HJURP: variants seen among roughly 807,000 people sequenced by gnomAD.
HJURP encodes the protein Holliday junction recognition protein, also known as 14-3-3-associated AKT substrate.
HJURP carries 49 observed loss-of-function variants against 72.0 expected under a neutral mutation model. The observed-to-expected ratio is 0.68, with a 90% CI of 0.54 to 0.86. HJURP has a LOEUF of 0.86. HJURP is among the 40% of genes least tolerant of loss of function. The probability of loss-of-function intolerance (pLI) is 0.00; values close to 1 mark genes in which losing one functional copy is unlikely to be tolerated. For missense variants in HJURP, 908 were observed against 936.3 expected (o/e 0.97, Z 0.39); for synonymous variants, 357 against 347.1 (o/e 1.03, Z -0.32).
At chr2:233,848,083 CT>C (rs1365322167) in intron 4 of HJURP, among the ~76,000 whole-genome samples, 3 of 152,140 alleles carry the variant, frequency 2.0e-5, no homozygotes, top group Admixed American at 6.6e-5. Context: ...CTTTCCAATT[CT>C]ACTCTGAAAG....
chr2:233,850,585 G>A (rs1033805289), intron 3 of HJURP, among the ~76,000 whole-genome samples: 1 of 152,212 alleles, frequency 6.6e-6, no homozygotes, highest in African/African-American at 2.4e-5. Context: ...TGAGAAGGTG[G>A]CGAGGCCTAT....
chr2:233,840,747 A>C lies in HJURP; in HGVS notation c.2033T>G (p.Phe678Cys). ...ITRDGTRDHQ[F>C]PAKRPRLSEP... The stretch of plus-strand genomic sequence containing the variant: ...TGATAGCCTGGGTCTTTTTGCAGGG[A>C]ACTGATGGTCCCTCGTGCCATCCCT... The change falls in exon 8 of 9, where the codon TTC (phenylalanine) becomes TGC (cysteine). Residue 678 changes from phenylalanine to cysteine, a missense_variant. Phe to Cys is a radical substitution (Grantham distance 205, BLOSUM62 -2). Coordinates refer to ENST00000411486, the MANE Select transcript of HJURP (RefSeq NM_018410.5). The C allele has an allele frequency of 6.2e-7, 1 of 1,614,102 alleles. No homozygotes were observed.
At position 233,837,532 on chromosome 2, in the gene HJURP, A is replaced by G; in HGVS notation, c.*45T>C. On this transcript the variant is annotated 3_prime_UTR_variant, in exon 9 of 9. Coordinates refer to ENST00000411486, the MANE Select transcript of HJURP (RefSeq NM_018410.5). ...AATCAAAAACAAAACAAAAATACAA[A>G]CAGAGAGCAAGTGGGAAGATAAATA... 1 of 1,324,864 alleles carries G rather than the reference A, an allele frequency of 7.5e-7. No homozygotes were observed. Among genetic ancestry groups the G allele is most frequent in the African/African-American group, 1.5e-5 (1 of 68,892 alleles). 82.1% of individuals were successfully genotyped at this position (1,324,864 alleles called of 1,614,324 possible). A position where few individuals can be genotyped will look rare whatever the true frequency, so the allele number is the denominator to read the frequency against.
intron 7 of HJURP, 147 bp downstream of exon 7, chr2:233,844,058 A>C: frequency 1.6e-6 from 1 of 639,740 alleles, no homozygotes; most frequent in Non-Finnish European, 2.8e-6. Context: ...TTCCAGTGAA[A>C]TCCAAGTATA....
At chr2:233,844,633 T>C (rs1705311369) in intron 6 of HJURP, among the ~76,000 whole-genome samples, 1 of 152,144 alleles carries the variant, frequency 6.6e-6, no homozygotes, top group Admixed American at 6.5e-5. Flanking sequence ...GAAGACCCAG[T>C]AGATCCGTTC....
chr2:233,853,804 C>G, intron 2 of HJURP, 40 bp downstream of exon 2: 2 of 1,543,216 alleles, frequency 1.3e-6, no homozygotes, highest in Non-Finnish European at 1.8e-6. Context: ...TCCATTCACA[C>G]TCTTCACCCG....
In HJURP at chr2:233,841,408, G is replaced by C; in HGVS notation, c.1372C>G (p.Leu458Val). ...SPRNQPRRMC[L>V]PDSWAMNMYR... ...ATGTTCATGGCCCAGGAGTCCGGGA[G>C]GCACATCCGGCGAGGCTGGTTCCTG... The change falls in exon 8 of 9, where the codon CTC becomes GTC. Residue 458 changes from leucine to valine, a missense_variant. Transcript: ENST00000411486. The C allele has an allele frequency of 6.2e-7, 1 of 1,614,170 alleles. No individual in the cohort carries two copies. The highest frequency in any genetic ancestry group is 8.5e-7 in the Non-Finnish European group (1 of 1,180,018).
At chr2:233,854,168 C>A (rs1705560338) in intron 1 of HJURP, among the ~76,000 whole-genome samples, 1 of 152,152 alleles carries the variant, frequency 6.6e-6, no homozygotes, top group South Asian at 2.1e-4. Context: ...GTCTTTCCTC[C>A]CCGTCCCCGC....
At position 233,837,545 on chromosome 2, in the gene HJURP, G is replaced by A. The variant is rs1705106456; in HGVS notation, c.*32C>T. ...ACAAAAATACAAACAGAGAGCAAGT[G>A]GGAAGATAAATAACACTCCGAAATA... is the stretch of plus-strand genomic sequence containing the variant. On this transcript the variant is annotated 3_prime_UTR_variant, in exon 9 of 9. Transcript: ENST00000411486. 2 of 1,417,356 alleles carry A rather than the reference G, an allele frequency of 1.4e-6. No homozygotes were observed. Among genetic ancestry groups the A allele is most frequent in the South Asian group, 2.4e-5 (2 of 85,040 alleles). 87.8% of individuals were successfully genotyped at this position (1,417,356 alleles called of 1,614,324 possible).
At chr2:233,849,465 T>C (rs1397363868) in intron 4 of HJURP, among the ~76,000 whole-genome samples, 2 of 152,016 alleles carry the variant, frequency 1.3e-5, no homozygotes, top group East Asian at 3.9e-4. Context: ...CACCACCCTG[T>C]AGGGGCAAAT....
intron 7 of HJURP, among the ~76,000 whole-genome samples, chr2:233,843,457 A>G (rs1377345787): frequency 6.6e-6 from 1 of 152,196 alleles, no homozygotes; most frequent in Non-Finnish European, 1.5e-5. Flanking sequence ...AGGACACGTC[A>G]TCCCTGTAGT....
At chr2:233,853,545 A>G (rs952784702) in intron 2 of HJURP, among the ~76,000 whole-genome samples, 7 of 152,204 alleles carry the variant, frequency 4.6e-5, no homozygotes, top group African/African-American at 1.7e-4. Flanking sequence ...CCCATTTCAC[A>G]GATGAAGACA....
At position 233,849,820 on chromosome 2, in the gene HJURP, C is replaced by G; in HGVS notation, c.280G>C (p.Val94Leu). ...TCAGGACCCCAGGCTGCAGCTTGCA[C>G]GGAGCCATCTGTCCTGTCCGCGGGC... ...MKPADRTDGSVQAAAWGPELP... is the reference protein window; with the variant it reads ...MKPADRTDGSLQAAAWGPELP... Residue 94 changes from valine to leucine, a missense_variant, in exon 4 of 9, where the codon GTG becomes CTG. Physicochemically the swap from Val to Leu is conservative, Grantham distance 32. Around this residue, in one of 3 missense-constraint regions of HJURP, gnomAD observed 299 missense variants for 286.7 expected, o/e 1.04. Transcript: ENST00000411486. 6.4e-7 allele frequency: 1 copy of G among 1,554,312 alleles called. No homozygotes were observed. Among genetic ancestry groups the G allele is most frequent in the Non-Finnish European group, 8.7e-7 (1 of 1,148,294 alleles).
Position 233,841,352 on chromosome 2 carries a change from G to A in HJURP, c.1428C>T (p.Gly476=), listed in dbSNP as rs747116645. 2 of 1,613,962 alleles carry A rather than the reference G, an allele frequency of 1.2e-6. No individual in the cohort carries two copies. The highest frequency in any genetic ancestry group is 2.7e-5 in the African/African-American group (2 of 74,878). ...GCCTGCGGGTTTCTAAGCCCTGAAG[G>A]CCACCAGGACTCGCAGGACCCCCTC... The part of the protein sequence containing the change: ...MYRGGPASPG[G]LQGLETRRLS... Residue 476 remains glycine (G), a synonymous_variant, in exon 8 of 9, where the codon GGC becomes GGT. Transcript: ENST00000411486.
chr2:233,848,559 T>C lies in HJURP; in HGVS notation c.338-1098A>G, dbSNP rs561335995. ...GCACAGGACAGGGATGCCTTGGCCA[T>C]GAGGAATGAGGCAGAGGCTGAGATG... On this transcript the variant is annotated intron_variant, in intron 4 of 8. Coordinates refer to ENST00000411486, the MANE Select transcript of HJURP (RefSeq NM_018410.5). Among the ~76,000 whole-genome samples the C allele has an allele frequency of 3.3e-5, 5 of 152,108 alleles. No individual in the cohort carries two copies. In the East Asian group the frequency reaches 5.8e-4, roughly 18 times the overall value.
At chr2:233,842,275 G>A (rs1705253098) in intron 7 of HJURP, 70 bp from the exon 8 acceptor site, 1 of 1,341,644 alleles carries the variant, frequency 7.5e-7, no homozygotes, top group Non-Finnish European at 1.0e-6. Flanking sequence ...ACAGATGACA[G>A]AACTTAAGAT....
intron 4 of HJURP, among the ~76,000 whole-genome samples, chr2:233,848,924 TGGGGCCGAGGAGCAG>T (rs1164475938): frequency 6.6e-6 from 1 of 152,040 alleles, no homozygotes; most frequent in Non-Finnish European, 1.5e-5. Context: ...TGGAGGAGCA[TGGGGCCGAGGAGCAG>T]GGGGCCACAG....
chr2:233,848,898 A>G (rs1270341390), intron 4 of HJURP, among the ~76,000 whole-genome samples: 2 of 152,152 alleles, frequency 1.3e-5, no homozygotes, highest in African/African-American at 2.4e-5. Flanking sequence ...AAGGACGAAG[A>G]CAGAAGGAGG....
intron 8 of HJURP, among the ~76,000 whole-genome samples, chr2:233,839,216 C>A (rs949636460): frequency 3.3e-5 from 5 of 152,200 alleles, no homozygotes; most frequent in Non-Finnish European, 7.3e-5. Flanking sequence ...AGCCAAGGAG[C>A]CTGAGCCGCT....
Sources: gnomAD v4.1 joint callset for allele counts (sites outside exome capture counted in the v4.1 genomes callset) on GRCh38, gnomAD v4.1.1 for gene constraint, gnomAD v4.1.1 regional missense constraint, MANE v1.5 for transcripts, NCBI Gene and HGNC (gene_info 2026-07-23, HGNC 2026-07-21) for gene names.